The following FREM3 variants were observed in gnomAD, a reference collection of about 807,000 sequenced individuals.
FREM3 encodes the protein FRAS1 related extracellular matrix 3, also known as FRAS1-related extracellular matrix protein 3.
In FREM3, 105 loss-of-function variants were observed where a neutral mutation model predicts 129.1. The ratio of observed to expected loss-of-function variants is 0.81; its 90% CI spans 0.69 to 0.96. FREM3 has a LOEUF of 0.96. FREM3 is among the 40% of genes least tolerant of loss of function. FREM3 has a pLI of 0.00. For missense variants in FREM3, 2,593 were observed against 2,666.3 expected (o/e 0.97, Z 0.61); for synonymous variants, 1,014 against 1,044.9 (o/e 0.97, Z 0.57).
At chr4:143,674,707 C>G (rs7438647) in intron 2 of FREM3, among the ~76,000 whole-genome samples, 3 of 151,856 alleles carry the variant, frequency 2.0e-5, no homozygotes, top group Admixed American at 2.0e-4. Context: ...ATCTACCAAG[C>G]AAATGGAAAA....
Position 143,696,639 on chromosome 4 carries a change from A to G in FREM3, c.4037T>C (p.Leu1346Pro). 2 of 1,537,834 alleles carry G rather than the reference A, an allele frequency of 1.3e-6. No individual in the cohort carries two copies. Among genetic ancestry groups the G allele is most frequent in the Middle Eastern group, 3.3e-4 (2 of 5,996 alleles). ...DSDDKSLSFV[L>P]HSGPQQGLLQ... ...AAGCCCTTGTTGAGGCCCAGAATGG[A>G]GGACAAAACTGAGGCTTTTATCATC... Residue 1346 changes from leucine to proline, a missense_variant, in exon 1 of 8, where the codon CTC becomes CCC. By Grantham distance (98) the Leu-to-Pro change is moderately conservative. This residue lies in a region of FREM3 where 2,276 missense variants were observed against 2,267.2 expected (regional missense o/e 1.00). Coordinates refer to ENST00000329798, the MANE Select transcript of FREM3 (RefSeq NM_001168235.2).
chr4:143,673,261 C>T (rs181661301), intron 2 of FREM3, among the ~76,000 whole-genome samples: 43 of 152,246 alleles, frequency 2.8e-4, no homozygotes, highest in Non-Finnish European at 4.0e-4. Context: ...AACGTACAGA[C>T]GGGGTTTTGG....
intron 2 of FREM3, among the ~76,000 whole-genome samples, chr4:143,643,752 A>G (rs558960225): frequency 6.6e-6 from 1 of 152,248 alleles, no homozygotes; most frequent in East Asian, 1.9e-4. Context: ...TCTGTTGCAC[A>G]GTAGGGTGAC....
intron 2 of FREM3, among the ~76,000 whole-genome samples, chr4:143,678,955 G>T (rs1240354151): frequency 6.6e-6 from 1 of 152,034 alleles, no homozygotes; most frequent in Non-Finnish European, 1.5e-5. Flanking sequence ...TGTATAAAAA[G>T]GATGCACATA....
chr4:143,693,398 G>A (rs1740507993), intron 1 of FREM3, among the ~76,000 whole-genome samples, 196 bp from the exon 2 acceptor site: 2 of 152,154 alleles, frequency 1.3e-5, no homozygotes, highest in Admixed American at 1.3e-4. Flanking sequence ...TCTCAATGAG[G>A]TACCATCTCA....
At chr4:143,691,356 C>T (rs1365094476) in intron 2 of FREM3, among the ~76,000 whole-genome samples, 1 of 152,042 alleles carries the variant, frequency 6.6e-6, no homozygotes, top group African/African-American at 2.4e-5. Context: ...CACAAATCAC[C>T]ACCAAAGAAC....
chr4:143,590,787 T>G (rs958209515), intron 6 of FREM3, among the ~76,000 whole-genome samples: 12 of 152,196 alleles, frequency 7.9e-5, no homozygotes, highest in Non-Finnish European at 1.8e-4. Context: ...CTTTTTCTAT[T>G]GATTGGAATA....
intron 2 of FREM3, among the ~76,000 whole-genome samples, chr4:143,635,432 A>G (rs959342822): frequency 7.9e-5 from 12 of 152,170 alleles, no homozygotes; most frequent in African/African-American, 2.9e-4. Flanking sequence ...ATTATGGGCT[A>G]GATAATTCCT....
At chr4:143,581,838 C>G (rs1027511558) in intron 7 of FREM3, among the ~76,000 whole-genome samples, 2 of 152,190 alleles carry the variant, frequency 1.3e-5, no homozygotes, top group Non-Finnish European at 2.9e-5. Flanking sequence ...CTCCCAGAGG[C>G]AACTGAAAGT....
chr4:143,643,694 TC>T (rs1253912670), intron 2 of FREM3, among the ~76,000 whole-genome samples: 24 of 152,080 alleles, frequency 1.6e-4, no homozygotes, highest in Middle Eastern at 3.4e-3. Flanking sequence ...GAGAGGCTGG[TC>T]AACAGGCAGA....
intron 2 of FREM3, among the ~76,000 whole-genome samples, chr4:143,658,303 C>T (rs112030213): frequency 2.6e-5 from 4 of 152,162 alleles, no homozygotes; most frequent in South Asian, 2.1e-4. Context: ...AAAAGAGACT[C>T]TTCAACCATT....
At chr4:143,584,458 CA>C (rs1738205173) in intron 7 of FREM3, among the ~76,000 whole-genome samples, 1 of 142,976 alleles carries the variant, frequency 7.0e-6, no homozygotes, top group South Asian at 2.3e-4. Flanking sequence ...AAATGGAAAA[CA>C]AAAAAAGCAG....
chr4:143,640,874 A>G (rs971925963), intron 2 of FREM3, among the ~76,000 whole-genome samples: 2 of 152,160 alleles, frequency 1.3e-5, no homozygotes, highest in Non-Finnish European at 2.9e-5. Context: ...AATGACTTAC[A>G]TGTCCGTAGT....
At chr4:143,616,842 T>C (rs1303477886) in intron 5 of FREM3, among the ~76,000 whole-genome samples, 1 of 151,700 alleles carries the variant, frequency 6.6e-6, no homozygotes, top group African/African-American at 2.4e-5. Flanking sequence ...TCTACCTCCA[T>C]CTTAGGGGAT....
rs1466928719 is a variant in FREM3 at position 143,617,959 on chromosome 4, T to A, written c.5779+3078A>T. On this transcript the variant is annotated intron_variant, in intron 5 of 7. Transcript: ENST00000329798. ...CTTCTGGTATTAGTGACACATTCTC[T>A]GTCTACAACCAAAGTGTCCAGCAGA... 3.3e-5 allele frequency among the ~76,000 whole-genome samples: 5 copies of A among 152,340 alleles called. No individual in the cohort carries two copies. In the East Asian group the frequency reaches 7.7e-4, roughly 24 times the overall value.
chr4:143,672,111 G>GT (rs1272375753), intron 2 of FREM3, among the ~76,000 whole-genome samples: 2 of 152,180 alleles, frequency 1.3e-5, no homozygotes, highest in East Asian at 3.9e-4. Flanking sequence ...GAGCAGCAGT[G>GT]TATCTTCAGG....
At chr4:143,618,211 G>A (rs2149840655) in intron 5 of FREM3, among the ~76,000 whole-genome samples, 1 of 152,002 alleles carries the variant, frequency 6.6e-6, no homozygotes, top group South Asian at 2.1e-4. Flanking sequence ...CAAGTAGGAG[G>A]GCTACACCTA....
chr4:143,590,846 C>T (rs930492753), intron 6 of FREM3, among the ~76,000 whole-genome samples: 5 of 152,170 alleles, frequency 3.3e-5, no homozygotes, highest in South Asian at 2.1e-4. Context: ...TGGTAGAATT[C>T]GGCTGTGAAT....
In FREM3 at chr4:143,697,874, C is replaced by G. The variant is rs1487441774; in HGVS notation, c.2802G>C (p.Val934=). The G allele has an allele frequency of 7.8e-6, 12 of 1,537,814 alleles. No homozygotes were observed. The highest frequency in any genetic ancestry group is 1.0e-5 in the Non-Finnish European group (12 of 1,147,046). ...HHIPITIPIS[V]HPNVANRSPR... ...GACTTCTGTTAGCCACATTGGGATG[C>G]ACAGAAATTGGGATGGTGATGGGTA... is the stretch of plus-strand genomic sequence containing the variant. The change falls in exon 1 of 8, where the codon GTG becomes GTC. Residue 934 remains valine, a synonymous_variant. Coordinates refer to ENST00000329798, the MANE Select transcript of FREM3 (RefSeq NM_001168235.2).
Sources: gnomAD v4.1 joint callset for allele counts (sites outside exome capture counted in the v4.1 genomes callset) on GRCh38, gnomAD v4.1.1 for gene constraint, gnomAD v4.1.1 regional missense constraint, MANE v1.5 for transcripts, NCBI Gene and HGNC (gene_info 2026-07-23, HGNC 2026-07-21) for gene names.